PLA2G4F: variants seen among roughly 807,000 people sequenced by gnomAD.
The protein encoded by PLA2G4F is phospholipase A2 group IVF.
PLA2G4F carries 105 observed loss-of-function variants against 103.1 expected under a neutral mutation model. The observed-to-expected ratio is 1.02, with a 90% CI of 0.87 to 1.20. The LOEUF (loss-of-function observed/expected upper bound fraction) is 1.20, where lower values mean the gene tolerates loss of function less well. PLA2G4F is among the 50% of genes most tolerant of loss of function. The pLI, the probability that PLA2G4F is intolerant of heterozygous loss-of-function variation, is 0.00. For synonymous variants in PLA2G4F, 468 were observed against 441.1 expected (o/e 1.06, Z -0.76); for missense variants, 1,155 against 1,075.9 (o/e 1.07, Z -1.03).
At position 42,141,516 on chromosome 15, in the gene PLA2G4F, G is replaced by C; in HGVS notation, c.*468C>G. The C allele has an allele frequency of 2.2e-6, 1 of 446,498 alleles. No homozygotes were observed. The highest frequency in any genetic ancestry group is 4.5e-6 in the Non-Finnish European group (1 of 221,846). The allele number at this position is 446,498 out of a possible 1,614,324, so 27.7% of individuals were successfully genotyped here. On this transcript the variant is annotated 3_prime_UTR_variant, in exon 20 of 20. Transcript: ENST00000397272. ...AGCAGTGCATCCAGGAGCTCGAGGT[G>C]GGGTTGGGGCTTGGGCCGCTCTGCA...
chr15:42,155,655 C>G, intron 1 of PLA2G4F, 66 bp from the exon 2 acceptor site: 1 of 1,509,616 alleles, frequency 6.6e-7, no homozygotes, highest in African/African-American at 1.4e-5. Context: ...CCCATTGTTC[C>G]CCTCGTCCCA....
intron 16 of PLA2G4F, 38 bp from the exon 17 acceptor site, chr15:42,144,682 G>A (rs556042244): frequency 6.6e-7 from 1 of 1,518,420 alleles, no homozygotes; most frequent in South Asian, 1.3e-5. Context: ...AGGGGAAAGT[G>A]GCATCCTCCT....
intron 7 of PLA2G4F, chr15:42,151,504 A>G (rs2048962507): frequency 3.0e-6 from 3 of 985,208 alleles, no homozygotes; most frequent in African/African-American, 1.7e-5. Context: ...ACAGCCTCCC[A>G]GGAGTCCCAG....
At chr15:42,147,892 A>T (rs989914375) in intron 11 of PLA2G4F, 130 bp from the exon 12 acceptor site, 1 of 1,364,892 alleles carries the variant, frequency 7.3e-7, no homozygotes, top group African/African-American at 1.5e-5. Flanking sequence ...CAGCAACCCA[A>T]TGAGAACCCC....
rs1257465580 is a variant in PLA2G4F at position 42,154,336 on chromosome 15, G to A, written c.307C>T (p.His103Tyr). The A allele has an allele frequency of 1.2e-6, 2 of 1,609,330 alleles. No homozygotes were observed. Among genetic ancestry groups the A allele is most frequent in the Non-Finnish European group, 1.7e-6 (2 of 1,176,642 alleles). ...CTGGCCCTCACCTTCACAGCACCAT[G>A]GATCTGGTAGTGGAAGGTCTCATTC... ...EWNETFHYQI[H>Y]GAVKNVLELT... Residue 103 changes from histidine to tyrosine, a missense_variant, in exon 3 of 20, where the codon CAT (histidine) becomes TAT (tyrosine). This residue lies in a region of PLA2G4F where 370 missense variants were observed against 364.9 expected (regional missense o/e 1.01). Transcript: ENST00000397272.
Position 42,140,962 on chromosome 15 carries a change from G to A in PLA2G4F, c.*1022C>T, listed in dbSNP as rs2048822887. On this transcript the variant is annotated 3_prime_UTR_variant, in exon 20 of 20. Transcript: ENST00000397272. ...GGCTGCCCACACTAGAGAGGTTCTA[G>A]GTATTTGGAGAGTCCCTGGCGGGTC... 9.2e-6 allele frequency: 3 copies of A among 325,536 alleles called. No individual in the cohort carries two copies. In the Admixed American group the frequency reaches 1.2e-4, roughly 13 times the overall value. 20.2% of individuals were successfully genotyped at this position (325,536 alleles called of 1,614,324 possible).
intron 18 of PLA2G4F, among the ~76,000 whole-genome samples, chr15:42,143,176 T>TAAA (rs56171986): frequency 5.6e-5 from 5 of 89,692 alleles, no homozygotes; most frequent in African/African-American, 9.8e-5. Context: ...AGACTCCATC[T>TAAA]AAAAAAAAAA....
At chr15:42,152,985 A>T (rs1170742831) in intron 6 of PLA2G4F, among the ~76,000 whole-genome samples, 1 of 152,128 alleles carries the variant, frequency 6.6e-6, no homozygotes, top group Non-Finnish European at 1.5e-5. Flanking sequence ...CTCTCCCCAG[A>T]CTCAGAGGAA....
Position 42,153,291 on chromosome 15 carries a change from C to T in PLA2G4F, c.534+9G>A, listed in dbSNP as rs1285170101. 1.9e-6 allele frequency: 3 copies of T among 1,614,028 alleles called. No individual in the cohort carries two copies. The highest frequency in any genetic ancestry group is 2.5e-6 in the Non-Finnish European group (3 of 1,179,916). ...CCAGAACAGCGCCAAGCTTGCCTTC[C>T]CCACTCACCACCAGAACCCCGTTGG... On this transcript the variant is annotated intron_variant, in intron 6 of 19. Coordinates refer to ENST00000397272, the MANE Select transcript of PLA2G4F (RefSeq NM_213600.4).
At position 42,144,599 on chromosome 15, in the gene PLA2G4F, G is replaced by T; in HGVS notation, c.1826C>A (p.Thr609Lys). Residue 609 changes from threonine to lysine, a missense_variant, in exon 17 of 20, where the codon ACG becomes AAG. By Grantham distance (78) the Thr-to-Lys change is moderately conservative. Transcript: ENST00000397272. The stretch of plus-strand genomic sequence containing the variant: ...GGGCCCCTGTGGGGTGAGGAGCCTC[G>T]TTCGCAGCCTCGAGGGGTTGTGCAG... ...PQLHNPSRLR[T>K]RLLTPQGPFS... The T allele has an allele frequency of 6.2e-7, 1 of 1,612,032 alleles. No individual in the cohort carries two copies. The highest frequency in any genetic ancestry group is 8.5e-7 in the Non-Finnish European group (1 of 1,178,850).
Position 42,154,179 on chromosome 15 carries a change from G to A in PLA2G4F, c.363C>T (p.Gly121=), listed in dbSNP as rs770072597. The change falls in exon 4 of 20, where the codon GGC becomes GGT. Residue 121 remains glycine, a synonymous_variant. Transcript: ENST00000397272. ...ACAGGAGCAGAGAGAGCTGGTCGCT[G>A]CCCAGGATGTCCTTGTCATAGAGGG... is the stretch of plus-strand genomic sequence containing the variant. ...ELTLYDKDIL[G]SDQLSLLLFD... is the part of the protein sequence containing the mutation. The A allele has an allele frequency of 8.7e-6, 14 of 1,614,106 alleles. No homozygotes were observed. The highest frequency in any genetic ancestry group is 8.5e-7 in the Non-Finnish European group (1 of 1,180,046).
rs961130715 is a variant in PLA2G4F, at chr15:42,141,291, G to A, written c.*693C>T. On this transcript the variant is annotated 3_prime_UTR_variant, in exon 20 of 20. Coordinates refer to ENST00000397272, the MANE Select transcript of PLA2G4F (RefSeq NM_213600.4). ...GGTCCAGGTTCGAAGAGTGAAGCCT[G>A]GGTAACTGGCAGGGAGACACGCGCA... 3 of 456,594 alleles carry A rather than the reference G, an allele frequency of 6.6e-6. No homozygotes were observed. The highest frequency in any genetic ancestry group is 1.4e-4 in the East Asian group (2 of 14,382). 28.3% of individuals were successfully genotyped at this position (456,594 alleles called of 1,614,324 possible).
chr15:42,139,886 GAGA>G lies in PLA2G4F; in HGVS notation c.*2095_*2097del, dbSNP rs1378365668. The G allele has an allele frequency of 6.6e-6, 1 of 152,350 alleles. No individual in the cohort carries two copies. The highest frequency in any genetic ancestry group is 2.4e-5 in the African/African-American group (1 of 41,458). The allele number at this position is 152,350 out of a possible 1,614,324, so 9.4% of individuals were successfully genotyped here. On this transcript the variant is annotated 3_prime_UTR_variant, in exon 20 of 20. Coordinates refer to ENST00000397272, the MANE Select transcript of PLA2G4F (RefSeq NM_213600.4). ...AGTGGCATTGCCTACACTTCTGTGT[GAGA>G]AGGTCCCCGCCCACTCTGCACAAGC...
chr15:42,156,037 G>A (rs957653672), intron 1 of PLA2G4F, among the ~76,000 whole-genome samples: 4 of 152,146 alleles, frequency 2.6e-5, no homozygotes, highest in Admixed American at 2.0e-4. Flanking sequence ...GCAGGTGAGC[G>A]GAAGCCGAGA....
rs1182377741 is a variant in PLA2G4F at position 42,141,015 on chromosome 15, G to C, written c.*969C>G. The C allele has an allele frequency of 2.9e-6, 1 of 342,060 alleles. No individual in the cohort carries two copies. The highest frequency in any genetic ancestry group is 5.8e-6 in the Non-Finnish European group (1 of 172,620). The allele number at this position is 342,060 out of a possible 1,614,324, so 21.2% of individuals were successfully genotyped here. A position where few individuals can be genotyped will look rare whatever the true frequency, so the allele number is the denominator to read the frequency against. ...GGGAAATGGAGAAGAGGGAGAGTGAGAAACAAAACTTGCCAAGACCCATTG... is the reference window on the plus strand; with the variant it reads ...GGGAAATGGAGAAGAGGGAGAGTGACAAACAAAACTTGCCAAGACCCATTG... On this transcript the variant is annotated 3_prime_UTR_variant, in exon 20 of 20. Transcript: ENST00000397272.
chr15:42,148,238 G>T (rs977172073), intron 11 of PLA2G4F, among the ~76,000 whole-genome samples: 1 of 151,350 alleles, frequency 6.6e-6, no homozygotes, highest in Non-Finnish European at 1.5e-5. Context: ...ACTGAGGCAC[G>T]GGAAGGTTAA....
chr15:42,147,857 C>A, intron 11 of PLA2G4F, 95 bp from the exon 12 acceptor site: 1 of 1,507,134 alleles, frequency 6.6e-7, no homozygotes, highest in Non-Finnish European at 8.9e-7. Flanking sequence ...AAGAGTCTTA[C>A]ACGTATTATC....
intron 12 of PLA2G4F, 67 bp from the exon 13 acceptor site, chr15:42,147,413 G>C (rs1365372713): frequency 1.3e-6 from 2 of 1,487,404 alleles, no homozygotes; most frequent in Non-Finnish European, 1.8e-6. Context: ...GGGGTGCAGA[G>C]TCTGTGAGTG....
intron 19 of PLA2G4F, 140 bp from the exon 20 acceptor site, chr15:42,142,344 C>G (rs181081385): frequency 4.4e-6 from 5 of 1,143,106 alleles, no homozygotes; most frequent in East Asian, 2.6e-5. Flanking sequence ...AGCTCTCAGA[C>G]CCCCCAGGAG....
Sources: allele counts gnomAD v4.1 joint callset (sites outside exome capture counted in the v4.1 genomes callset), GRCh38; gene constraint gnomAD v4.1.1; regional missense constraint gnomAD v4.1.1; transcripts MANE v1.5; gene names NCBI Gene and HGNC (gene_info 2026-07-23, HGNC 2026-07-21).